The following ASTN2 variants were observed in gnomAD, a reference collection of about 807,000 sequenced individuals.
ASTN2 encodes astrotactin-2.
Under a neutral mutation model 139.8 loss-of-function variants are expected in ASTN2, and 54 were observed. The observed-to-expected ratio is 0.39, with a 90% CI of 0.31 to 0.48. The LOEUF (loss-of-function observed/expected upper bound fraction) is 0.48. ASTN2 is among the 20% of genes least tolerant of loss of function. The pLI is 0.95. For missense variants in ASTN2, 1,565 were observed against 1,725.1 expected (o/e 0.91, Z 1.64); for synonymous variants, 756 against 719.5 (o/e 1.05, Z -0.81).
At chr9:116,713,668 C>T (rs1021026738) in intron 16 of ASTN2, among the ~76,000 whole-genome samples, 3 of 152,080 alleles carry the variant, frequency 2.0e-5, no homozygotes, top group South Asian at 2.1e-4. Context: ...GTAAGAGAAT[C>T]GGAGCATGAA....
chr9:117,114,675 G>T (rs1889320), intron 4 of ASTN2, among the ~76,000 whole-genome samples: 80,859 of 151,848 alleles, frequency 0.53, 21,846 homozygotes, highest in African/African-American at 0.65. Context: ...TGAGATACAG[G>T]ATCTTCAATA....
chr9:116,807,969 C>T (rs1410930228), intron 12 of ASTN2, among the ~76,000 whole-genome samples: 1 of 146,806 alleles, frequency 6.8e-6, no homozygotes, highest in African/African-American at 2.5e-5. Context: ...AAAAAATTAG[C>T]CAGGTGTGGT....
At chr9:116,757,118 G>A (rs971722032) in intron 13 of ASTN2, among the ~76,000 whole-genome samples, 4 of 152,126 alleles carry the variant, frequency 2.6e-5, no homozygotes, top group African/African-American at 9.7e-5. Flanking sequence ...AGCTCCTAGT[G>A]AGGAAACAGA....
chr9:116,798,813 G>C (rs1286666403), intron 13 of ASTN2, among the ~76,000 whole-genome samples: 1 of 152,148 alleles, frequency 6.6e-6, no homozygotes, highest in African/African-American at 2.4e-5. Flanking sequence ...CCGAACACCA[G>C]AATGGCCAGG....
chr9:117,332,646 G>A (rs911599533), intron 1 of ASTN2, among the ~76,000 whole-genome samples: 14 of 152,110 alleles, frequency 9.2e-5, no homozygotes, highest in Non-Finnish European at 1.8e-4. Flanking sequence ...AGGCTTGGGG[G>A]CTTAAGTCAC....
At chr9:116,743,108 C>T (rs1025501604) in intron 13 of ASTN2, among the ~76,000 whole-genome samples, 6 of 152,036 alleles carry the variant, frequency 3.9e-5, no homozygotes, top group African/African-American at 1.4e-4. Context: ...TCTCTGAGGC[C>T]AAGTTAAGGG....
chr9:116,844,609 A>C (rs562252934), intron 11 of ASTN2, among the ~76,000 whole-genome samples: 1 of 152,330 alleles, frequency 6.6e-6, no homozygotes, highest in East Asian at 1.9e-4. Context: ...GAAAAAAAAA[A>C]AAACAAAAAG....
At chr9:117,346,194 T>C (rs1265236767) in intron 1 of ASTN2, among the ~76,000 whole-genome samples, 1 of 152,120 alleles carries the variant, frequency 6.6e-6, no homozygotes, top group Non-Finnish European at 1.5e-5. Flanking sequence ...CACCCTGTTA[T>C]TCCATCAAGG....
At chr9:117,041,530 C>T (rs1385739661) in intron 5 of ASTN2, among the ~76,000 whole-genome samples, 1 of 152,092 alleles carries the variant, frequency 6.6e-6, no homozygotes, top group East Asian at 1.9e-4. Flanking sequence ...ATTCTATGTC[C>T]TCAGCATTTT....
chr9:116,625,246 T>C (rs1336713886), intron 17 of ASTN2, among the ~76,000 whole-genome samples: 3 of 152,082 alleles, frequency 2.0e-5, no homozygotes, highest in African/African-American at 7.2e-5. Context: ...CTGGCCAACA[T>C]GGTGGAACCC....
rs182493670 is a variant in ASTN2 at position 116,907,611 on chromosome 9, G to C, written c.1890-43878C>G. ...CATTTCAGGAGCAGAGTGTGATTAA[G>C]AAAGATGGATGGCGGGTAATATCCG... On this transcript the variant is annotated intron_variant, in intron 10 of 22. Transcript: ENST00000313400. Among the ~76,000 whole-genome samples, 13 of 152,346 alleles carry C rather than the reference G, an allele frequency of 8.5e-5. 2 individuals carry two copies. In the East Asian group the frequency reaches 2.5e-3, roughly 29 times the overall value.
chr9:116,562,519 C>T (rs1419727272), intron 19 of ASTN2, among the ~76,000 whole-genome samples: 2 of 151,034 alleles, frequency 1.3e-5, no homozygotes, highest in Non-Finnish European at 1.5e-5. Flanking sequence ...GGCGGATCAC[C>T]TGAGGTCAGG....
At chr9:116,758,561 T>G (rs75755716) in intron 13 of ASTN2, among the ~76,000 whole-genome samples, 122 of 152,348 alleles carry the variant, frequency 8.0e-4, no homozygotes, top group Admixed American at 2.5e-3. Flanking sequence ...AACATAGTTT[T>G]GCAGATTGTG....
intron 4 of ASTN2, among the ~76,000 whole-genome samples, chr9:117,105,478 C>T (rs1424283782): frequency 6.6e-6 from 1 of 152,064 alleles, no homozygotes; most frequent in Non-Finnish European, 1.5e-5. Context: ...CATCTGTTAC[C>T]CGTGGATGTT....
chr9:117,245,359 T>G (rs1833348715), intron 2 of ASTN2, among the ~76,000 whole-genome samples: 1 of 152,186 alleles, frequency 6.6e-6, no homozygotes, highest in Non-Finnish European at 1.5e-5. Flanking sequence ...TGACACAATA[T>G]TGTGGATGCA....
chr9:117,145,088 C>A (rs1830165177), intron 3 of ASTN2, among the ~76,000 whole-genome samples: 1 of 152,022 alleles, frequency 6.6e-6, no homozygotes, highest in Non-Finnish European at 1.5e-5. Flanking sequence ...TATTTTATCA[C>A]CCAGGTAATA....
intron 22 of ASTN2, among the ~76,000 whole-genome samples, chr9:116,440,360 G>C (rs920700555): frequency 6.6e-6 from 1 of 152,130 alleles, no homozygotes; most frequent in African/African-American, 2.4e-5. Flanking sequence ...GATGAGCAAG[G>C]AGAATGATTA....
At chr9:117,131,379 C>T (rs1829823634) in intron 4 of ASTN2, among the ~76,000 whole-genome samples, 2 of 152,154 alleles carry the variant, frequency 1.3e-5, no homozygotes, top group Non-Finnish European at 2.9e-5. Context: ...CGAATTCCAA[C>T]CTGACTCTGA....
At position 116,604,778 on chromosome 9, in the gene ASTN2, G is replaced by A. The variant is rs566996609; in HGVS notation, c.3355+13546C>T. Among the ~76,000 whole-genome samples the A allele has an allele frequency of 1.7e-4, 26 of 152,274 alleles. No individual in the cohort carries two copies. In the East Asian group the frequency reaches 2.5e-3, roughly 15 times the overall value. On this transcript the variant is annotated intron_variant, in intron 19 of 22. Transcript: ENST00000313400. ...CCTCCATAACTGCTCCCTTTTACTAGAGAAAATTTTCAGTCTAAGGTCTGA... is the reference window on the plus strand; with the variant it reads ...CCTCCATAACTGCTCCCTTTTACTAAAGAAAATTTTCAGTCTAAGGTCTGA...
Sources: allele counts gnomAD v4.1 joint callset (sites outside exome capture counted in the v4.1 genomes callset), GRCh38; gene constraint gnomAD v4.1.1; transcripts MANE v1.5; gene names NCBI Gene and HGNC (gene_info 2026-07-23, HGNC 2026-07-21).